The following JAK1 variants were observed in gnomAD, a reference collection of about 807,000 sequenced individuals.
JAK1 encodes the protein tyrosine-protein kinase JAK1.
A neutral mutation model predicts 136.6 loss-of-function variants in JAK1; 16 were observed. That is an observed-to-expected ratio of 0.12 (90% CI 0.08 to 0.18). The LOEUF is 0.18. Ranked by LOEUF, JAK1 falls within the 10% of genes least tolerant of loss-of-function variation. The pLI is 1.00. For synonymous variants in JAK1, 492 were observed against 519.5 expected, an observed-to-expected ratio of 0.95 and a Z score of 0.72; for missense variants, 859 against 1,450.1, an observed-to-expected ratio of 0.59 and a Z score of 6.62.
intron 1 of JAK1, among the ~76,000 whole-genome samples, chr1:64,913,446 T>C (rs1645319588): frequency 6.6e-6 from 1 of 152,090 alleles, no homozygotes. Flanking sequence ...ATAATTTTTG[T>C]GTGCCTACAA....
intron 1 of JAK1, among the ~76,000 whole-genome samples, chr1:64,938,935 CTTAA>C: frequency 6.6e-6 from 1 of 152,268 alleles, no homozygotes; most frequent in Non-Finnish European, 1.5e-5. Flanking sequence ...AATTAAAATA[CTTAA>C]TTAACTGAAC....
At chr1:65,044,310 T>C (rs1457062475) in intron 2 of JAK1, among the ~76,000 whole-genome samples, 1 of 152,248 alleles carries the variant, frequency 6.6e-6, no homozygotes, top group Non-Finnish European at 1.5e-5. Context: ...TTCTGCTTTT[T>C]GGCAAAGTGC....
rs1165497436 is a variant in JAK1, at chr1:64,835,575, G to A, written c.3259-69C>T. ...TTTACATAAATGCCAAACAGATTAA[G>A]GTGAAATTTCTACAATCAACTGGAA... is the stretch of plus-strand genomic sequence containing the variant. On this transcript the variant is annotated intron_variant, in intron 23 of 24. Transcript: ENST00000342505. 7 of 920,408 alleles carry A rather than the reference G, an allele frequency of 7.6e-6. No homozygotes were observed. The Admixed American group carries it at 9.7e-5, about 13-fold the overall frequency. 57.0% of individuals were successfully genotyped at this position (920,408 alleles called of 1,614,324 possible).
At chr1:64,976,917 T>C (rs1646501601) in intron 2 of JAK1, among the ~76,000 whole-genome samples, 1 of 152,170 alleles carries the variant, frequency 6.6e-6, no homozygotes, top group Admixed American at 6.5e-5. Flanking sequence ...TTAGATCGTG[T>C]GTCTTGAAAG....
At chr1:64,985,641 C>T (rs1052084159) in intron 2 of JAK1, 6 of 757,676 alleles carry the variant, frequency 7.9e-6, no homozygotes, top group Non-Finnish European at 6.9e-6. Flanking sequence ...GCCAAAGACA[C>T]CTTGCAGGCC....
intron 2 of JAK1, among the ~76,000 whole-genome samples, chr1:65,042,229 G>A (rs550624828): frequency 3.9e-5 from 6 of 152,244 alleles, no homozygotes; most frequent in Admixed American, 1.3e-4. Flanking sequence ...GAAAGTATAC[G>A]AGAGGATGTG....
intron 12 of JAK1, among the ~76,000 whole-genome samples, chr1:64,849,881 T>C (rs776070066): frequency 6.6e-6 from 1 of 152,178 alleles, no homozygotes; most frequent in Non-Finnish European, 1.5e-5. Context: ...AGAACAATGA[T>C]GGGCCTTTGG....
At chr1:64,987,424 C>T (rs1272542483) in intron 2 of JAK1, 1 of 152,208 alleles carries the variant, frequency 6.6e-6, no homozygotes, top group Non-Finnish European at 1.5e-5. Context: ...AAGGATTAGG[C>T]CTGGGTACCC....
intron 1 of JAK1, chr1:65,058,330 C>A: frequency 3.9e-6 from 2 of 516,614 alleles, no homozygotes; most frequent in Non-Finnish European, 7.9e-6. Flanking sequence ...GACAGAGGTG[C>A]AGGGTAAGAG....
At chr1:64,861,957 C>G (rs900018249) in intron 8 of JAK1, among the ~76,000 whole-genome samples, 1 of 152,250 alleles carries the variant, frequency 6.6e-6, no homozygotes, top group Non-Finnish European at 1.5e-5. Context: ...AGTAAGACCA[C>G]ATCTGCACTT....
chr1:65,016,149 G>A lies in JAK1; in HGVS notation c.-78+28331C>T, dbSNP rs139865824. 2.1e-4 allele frequency among the ~76,000 whole-genome samples: 32 copies of A among 152,274 alleles called. 1 individual carries two copies. Among genetic ancestry groups the A allele is most frequent in the African/African-American group, 7.0e-4 (29 of 41,564 alleles). On this transcript the variant is annotated intron_variant, in intron 2 of 25. Transcript: ENST00000671954. ...TGAAATATCTCAAATAGGAAAATTC[G>A]TAGAAATGTAAACTAGACGCAAGTT...
intron 2 of JAK1, among the ~76,000 whole-genome samples, chr1:64,977,454 CTT>C (rs60862617): frequency 2.1e-4 from 30 of 141,322 alleles, no homozygotes; most frequent in Admixed American, 2.8e-4. Flanking sequence ...ACCCAGCCAT[CTT>C]TTTTTTTTTT....
chr1:64,894,579 T>A (rs986166380), intron 1 of JAK1, among the ~76,000 whole-genome samples: 1 of 151,844 alleles, frequency 6.6e-6, no homozygotes. Flanking sequence ...GCCAATATGG[T>A]GAAACCCCGT....
intron 2 of JAK1, among the ~76,000 whole-genome samples, chr1:65,012,147 C>G (rs1176612427): frequency 1.3e-5 from 2 of 152,136 alleles, no homozygotes; most frequent in Admixed American, 6.5e-5. Flanking sequence ...GACCCCACAG[C>G]AAAGTGGAGA....
At chr1:65,065,888 C>T (rs1557783768) in intron 1 of JAK1, among the ~76,000 whole-genome samples, 1 of 151,484 alleles carries the variant, frequency 6.6e-6, no homozygotes, top group Non-Finnish European at 1.5e-5. Flanking sequence ...TCTCTCTCTC[C>T]CTCAACCTAG....
At chr1:64,860,805 ATC>A (rs1165389262) in intron 8 of JAK1, among the ~76,000 whole-genome samples, 11 of 148,444 alleles carry the variant, frequency 7.4e-5, no homozygotes, top group African/African-American at 2.8e-4. Context: ...CCCATCTATT[ATC>A]TCAAACTATC....
rs576695813 is a variant in JAK1, at chr1:64,995,939, A to G, written c.-78+48541T>C. ...TTTTTTGTGGAGATGAGGTTTTGCC[A>G]TATTGTCTAGGCTGGCCTTGAACTC... On this transcript the variant is annotated intron_variant, in intron 2 of 25. Coordinates refer to the JAK1 transcript ENST00000671954. Among the ~76,000 whole-genome samples the G allele has an allele frequency of 4.6e-3, 702 of 152,152 alleles. 5 individuals are homozygous for G. The highest frequency in any genetic ancestry group is 0.016 in the African/African-American group (655 of 41,486).
intron 2 of JAK1, among the ~76,000 whole-genome samples, chr1:65,036,176 C>T (rs556209988): frequency 3.3e-5 from 5 of 152,146 alleles, no homozygotes; most frequent in South Asian, 4.2e-4. Context: ...GAATTGTACA[C>T]GTGAAAGTAG....
rs867830974 is a variant in JAK1, at chr1:65,053,055, A to C, written c.-180-8473T>G. 1.1e-3 allele frequency among the ~76,000 whole-genome samples: 162 copies of C among 149,360 alleles called. 1 individual carries two copies. Among genetic ancestry groups the C allele is most frequent in the Non-Finnish European group, 1.6e-3 (108 of 67,264 alleles). On this transcript the variant is annotated intron_variant, in intron 1 of 25. Coordinates refer to the JAK1 transcript ENST00000671954. The stretch of plus-strand genomic sequence containing the variant: ...CAAAAAAAAAAAAAAAAAAAAAAAA[A>C]AGACTAGAGGCTGGGCACAGTGGCT...
Sources: allele counts gnomAD v4.1 joint callset (sites outside exome capture counted in the v4.1 genomes callset), GRCh38; gene constraint gnomAD v4.1.1; transcripts MANE v1.5; gene names NCBI Gene and HGNC (gene_info 2026-07-23, HGNC 2026-07-21).